The following CNTNAP4 variants were observed in gnomAD, a reference collection of about 807,000 sequenced individuals.
CNTNAP4 encodes the protein contactin associated protein family member 4.
CNTNAP4 carries 98 observed loss-of-function variants against 148.4 expected under a neutral mutation model. The ratio of observed to expected loss-of-function variants is 0.66; its 90% CI spans 0.56 to 0.78. The LOEUF is 0.78. CNTNAP4 is among the 30% of genes least tolerant of loss of function. The pLI, the probability that CNTNAP4 is intolerant of heterozygous loss-of-function variation, is 0.00. For synonymous variants in CNTNAP4, 730 were observed against 565.1 expected (o/e 1.29, Z -4.14); for missense variants, 1,935 against 1,565.6 (o/e 1.24, Z -3.98).
chr16:76,560,553 G>T lies in CNTNAP4; in HGVS notation c.*1870G>T, dbSNP rs944723573. Among the ~76,000 whole-genome samples, 2 of 152,168 alleles carry T rather than the reference G, an allele frequency of 1.3e-5. No individual in the cohort carries two copies. The highest frequency in any genetic ancestry group is 1.5e-5 in the Non-Finnish European group (1 of 68,032). ...CTCTGAATCTTTTGCAGATGTTCATGTTATTTAGTAGCGGTATTAACCTCA... is the reference window on the plus strand; with the variant it reads ...CTCTGAATCTTTTGCAGATGTTCATTTTATTTAGTAGCGGTATTAACCTCA... On this transcript the variant is annotated 3_prime_UTR_variant, in exon 24 of 24. Coordinates refer to ENST00000611870, the MANE Select transcript of CNTNAP4 (RefSeq NM_033401.5).
intron 16 of CNTNAP4, 143 bp from the exon 17 acceptor site, chr16:76,521,896 C>G (rs1426285291): frequency 2.7e-6 from 2 of 753,110 alleles, no homozygotes; most frequent in African/African-American, 1.7e-5. Context: ...TCATGAGTTT[C>G]AAACAATAGC....
At chr16:76,299,556 A>G (rs1420634116) in intron 1 of CNTNAP4, among the ~76,000 whole-genome samples, 1 of 152,134 alleles carries the variant, frequency 6.6e-6, no homozygotes, top group Non-Finnish European at 1.5e-5. Flanking sequence ...GGGACTGTAA[A>G]CTAGTTCAAC....
chr16:76,322,919 C>A (rs1297389983), intron 2 of CNTNAP4, among the ~76,000 whole-genome samples: 2 of 151,904 alleles, frequency 1.3e-5, no homozygotes, highest in Non-Finnish European at 2.9e-5. Context: ...ACTGCAACCT[C>A]TGCCTTGTGG....
At chr16:76,483,069 TGTGA>T (rs2143700427) in intron 12 of CNTNAP4, among the ~76,000 whole-genome samples, 1 of 152,292 alleles carries the variant, frequency 6.6e-6, no homozygotes, top group South Asian at 2.1e-4. Flanking sequence ...TAGGTTGGAT[TGTGA>T]GTGAGATTTA....
chr16:76,525,436 C>A (rs1385849120), intron 17 of CNTNAP4, among the ~76,000 whole-genome samples: 2 of 147,036 alleles, frequency 1.4e-5, no homozygotes, highest in South Asian at 2.1e-4. Context: ...AGAAAAAAAT[C>A]TATATAGAGA....
intron 3 of CNTNAP4, among the ~76,000 whole-genome samples, chr16:76,382,252 A>T (rs1272205096): frequency 6.6e-6 from 1 of 152,086 alleles, no homozygotes; most frequent in African/African-American, 2.4e-5. Context: ...AAAAAGCAAA[A>T]GTAAAATGGA....
rs149716413 is a variant in CNTNAP4, at chr16:76,550,773, A to T, written c.3443-2510A>T. On this transcript the variant is annotated intron_variant, in intron 21 of 23. Coordinates refer to ENST00000611870, the MANE Select transcript of CNTNAP4 (RefSeq NM_033401.5). ...ATGAATGATTGCCAAGGTGGACTAA[A>T]TGATTTCTTTGGTTCCATACACATT... Among the ~76,000 whole-genome samples, 1,150 of 152,272 alleles carry T rather than the reference A, an allele frequency of 7.6e-3. 6 individuals carry two copies. The highest frequency in any genetic ancestry group is 0.011 in the Non-Finnish European group (749 of 68,028).
At chr16:76,517,554 T>G (rs1046702048) in intron 15 of CNTNAP4, among the ~76,000 whole-genome samples, 2 of 152,248 alleles carry the variant, frequency 1.3e-5, no homozygotes, top group Non-Finnish European at 2.9e-5. Flanking sequence ...TTATTTTGCT[T>G]TTAAGAAAGG....
Position 76,539,761 on chromosome 16 carries a change from C to G in CNTNAP4, c.3263C>G (p.Pro1088Arg). ...IRYKLNKYQE[P>R]DVVNFDFKNM... ...TACAAGTTAAATAAATATCAAGAGCCTGATGTTGTTAACTTTGATTTTAAA... is the reference window on the plus strand; with the variant it reads ...TACAAGTTAAATAAATATCAAGAGCGTGATGTTGTTAACTTTGATTTTAAA... The change falls in exon 20 of 24, where the codon CCT (proline) becomes CGT (arginine). Residue 1088 changes from proline to arginine, a missense_variant. Coordinates refer to ENST00000611870, the MANE Select transcript of CNTNAP4 (RefSeq NM_033401.5). 6.2e-7 allele frequency: 1 copy of G among 1,602,208 alleles called. No individual in the cohort carries two copies. The highest frequency in any genetic ancestry group is 1.1e-5 in the South Asian group (1 of 89,302).
At chr16:76,312,191 T>A (rs1961198972) in intron 1 of CNTNAP4, among the ~76,000 whole-genome samples, 1 of 152,200 alleles carries the variant, frequency 6.6e-6, no homozygotes, top group East Asian at 1.9e-4. Context: ...AAGGCTACCC[T>A]GTGTTTTGTC....
At chr16:76,535,407 C>A in intron 17 of CNTNAP4, 138 bp from the exon 18 acceptor site, 2 of 820,390 alleles carry the variant, frequency 2.4e-6, no homozygotes, top group Non-Finnish European at 3.8e-6. Context: ...TATATTTGAC[C>A]ATGAATTGTG....
At chr16:76,533,350 G>T (rs1202464159) in intron 17 of CNTNAP4, among the ~76,000 whole-genome samples, 6 of 152,024 alleles carry the variant, frequency 3.9e-5, no homozygotes, top group African/African-American at 1.4e-4. Flanking sequence ...TACAGGGAAG[G>T]GGCACAGAGA....
chr16:76,504,992 A>T (rs929459410), intron 15 of CNTNAP4, among the ~76,000 whole-genome samples: 1 of 152,208 alleles, frequency 6.6e-6, no homozygotes, highest in African/African-American at 2.4e-5. Context: ...ATTTAGAGCA[A>T]CTAGAACTCT....
At chr16:76,472,924 A>G (rs2081425277) in intron 10 of CNTNAP4, among the ~76,000 whole-genome samples, 1 of 152,208 alleles carries the variant, frequency 6.6e-6, no homozygotes, top group Non-Finnish European at 1.5e-5. Flanking sequence ...ACCTGGTAAC[A>G]AACCTGCTCA....
At chr16:76,290,150 A>G in intron 1 of CNTNAP4, among the ~76,000 whole-genome samples, 1 of 152,130 alleles carries the variant, frequency 6.6e-6, no homozygotes, top group East Asian at 1.9e-4. Context: ...AAGTGTTACT[A>G]TGATTATTTT....
intron 13 of CNTNAP4, among the ~76,000 whole-genome samples, chr16:76,492,325 A>C (rs1438398149): frequency 2.0e-5 from 3 of 152,200 alleles, no homozygotes; most frequent in Non-Finnish European, 4.4e-5. Context: ...TGTGGTAATC[A>C]TTTCACAGTG....
At chr16:76,436,710 C>T (rs11149901) in intron 4 of CNTNAP4, among the ~76,000 whole-genome samples, 54,822 of 151,900 alleles carry the variant, frequency 0.36, 10,501 homozygotes, top group Middle Eastern at 0.51. Flanking sequence ...TTACCTCTCA[C>T]AAGTGGTAAA....
At chr16:76,348,257 T>C (rs921375951) in intron 2 of CNTNAP4, among the ~76,000 whole-genome samples, 5 of 151,494 alleles carry the variant, frequency 3.3e-5, no homozygotes, top group African/African-American at 1.2e-4. Context: ...GGAAAGGATG[T>C]GAATAGAGTA....
At chr16:76,552,808 C>T (rs138995568) in intron 21 of CNTNAP4, among the ~76,000 whole-genome samples, 2 of 152,242 alleles carry the variant, frequency 1.3e-5, no homozygotes, top group Admixed American at 6.5e-5. Flanking sequence ...AACAAATTGT[C>T]GGGTTGGGCA....
Sources: allele counts gnomAD v4.1 joint callset (sites outside exome capture counted in the v4.1 genomes callset), GRCh38; gene constraint gnomAD v4.1.1; transcripts MANE v1.5; gene names NCBI Gene and HGNC (gene_info 2026-07-23, HGNC 2026-07-21).